Variants in BIRC5 observed in about 807,000 individuals in gnomAD.
BIRC5 encodes baculoviral IAP repeat containing 5.
A neutral mutation model predicts 15.8 loss-of-function variants in BIRC5; 8 were observed. That is an observed-to-expected ratio of 0.51 (90% CI 0.30 to 0.91). BIRC5 has a LOEUF of 0.91. BIRC5 is among the 40% of genes least tolerant of loss of function. The pLI is 0.07. For synonymous variants in BIRC5, 56 were observed against 64.5 expected (o/e 0.87, Z 0.63); for missense variants, 163 against 178.6 (o/e 0.91, Z 0.50).
At chr17:78,216,860 CTG>C (rs1033089845) in intron 3 of BIRC5, 79 bp downstream of exon 3, 36 of 1,027,404 alleles carry the variant, frequency 3.5e-5, no homozygotes, top group Non-Finnish European at 5.2e-5. Flanking sequence ...CAAAGGGACT[CTG>C]TGTTTTCCTC....
chr17:78,217,813 G>A (rs529115868), intron 3 of BIRC5, among the ~76,000 whole-genome samples: 2 of 151,662 alleles, frequency 1.3e-5, no homozygotes, highest in African/African-American at 4.8e-5. Flanking sequence ...ATTTTTTTGA[G>A]ACAGGGACTC....
At chr17:78,216,880 ATT>A (rs376637371) in intron 3 of BIRC5, 99 bp downstream of exon 3, 3,116 of 678,206 alleles carry the variant, frequency 4.6e-3, no homozygotes, top group East Asian at 5.2e-3. Context: ...CTCAGGAAGC[ATT>A]TTTTTTTTTT....
intron 3 of BIRC5, 98 bp downstream of exon 3, chr17:78,216,879 CATT>C (rs2076482195): frequency 7.7e-6 from 7 of 907,452 alleles, no homozygotes; most frequent in Admixed American, 2.4e-5. Flanking sequence ...CCTCAGGAAG[CATT>C]TTTTTTTTTT....
intron 3 of BIRC5, among the ~76,000 whole-genome samples, chr17:78,220,077 G>A (rs1010790402): frequency 6.6e-6 from 1 of 151,176 alleles, no homozygotes; most frequent in Non-Finnish European, 1.5e-5. Context: ...TTACAGGGAT[G>A]AAGATGCAGT....
intron 3 of BIRC5, among the ~76,000 whole-genome samples, chr17:78,222,590 G>C (rs984489178): frequency 1.3e-5 from 2 of 152,144 alleles, no homozygotes; most frequent in Admixed American, 1.3e-4. Flanking sequence ...TCTTGAACCC[G>C]GGAGGCAGAG....
At position 78,214,257 on chromosome 17, in the gene BIRC5, C is replaced by G; in HGVS notation, c.-60C>G. 1 of 1,468,034 alleles carries G rather than the reference C, an allele frequency of 6.8e-7. No individual in the cohort carries two copies. 90.9% of individuals were successfully genotyped at this position (1,468,034 alleles called of 1,614,324 possible). On this transcript the variant is annotated 5_prime_UTR_variant, in exon 1 of 4. Transcript: ENST00000350051. Reference sequence around the variant, plus strand: ...CGTGCGCTCCCGACATGCCCCGCGGCGCGCCATTAACCGCCAGATTTGAAT... The same window carrying G: ...CGTGCGCTCCCGACATGCCCCGCGGGGCGCCATTAACCGCCAGATTTGAAT...
intron 3 of BIRC5, 76 bp downstream of exon 3, chr17:78,216,857 A>C (rs2145894700): frequency 1.8e-6 from 2 of 1,113,108 alleles, no homozygotes; most frequent in Non-Finnish European, 2.6e-6. Flanking sequence ...CCTCAAAGGG[A>C]CTCTGTGTTT....
intron 3 of BIRC5, among the ~76,000 whole-genome samples, chr17:78,218,875 G>A (rs2076498288): frequency 6.6e-6 from 1 of 152,126 alleles, no homozygotes; most frequent in Non-Finnish European, 1.5e-5. Context: ...CCAAAGCGCT[G>A]AGATTACAGG....
intron 2 of BIRC5, among the ~76,000 whole-genome samples, chr17:78,215,755 T>A (rs2076473183): frequency 6.6e-6 from 1 of 152,144 alleles, no homozygotes; most frequent in Non-Finnish European, 1.5e-5. Context: ...TTCTTGAAAA[T>A]GAATAAGTGT....
intron 3 of BIRC5, among the ~76,000 whole-genome samples, chr17:78,220,051 G>A (rs201823278): frequency 6.6e-6 from 1 of 152,136 alleles, no homozygotes; most frequent in Non-Finnish European, 1.5e-5. Flanking sequence ...ACGCTGCGGG[G>A]TGCTCCGCTC....
chr17:78,216,608 G>A lies in BIRC5; in HGVS notation c.222-56G>A, dbSNP rs562067457. 5.9e-6 allele frequency: 9 copies of A among 1,515,256 alleles called. No homozygotes were observed. The African/African-American group carries it at 1.1e-4, about 18-fold the overall frequency. The allele number at this position is 1,515,256 out of a possible 1,614,324, so 93.9% of individuals were successfully genotyped here. ...CGTGGGGAGGTGGCCCGTGGGGAGT[G>A]GACTGCCGCTTTAATCCCTTCAGCT... On this transcript the variant is annotated intron_variant, in intron 2 of 3. Transcript: ENST00000350051.
chr17:78,214,982 C>T, intron 2 of BIRC5, 193 bp downstream of exon 2: 1 of 560,112 alleles, frequency 1.8e-6, no homozygotes, highest in East Asian at 3.2e-5. Flanking sequence ...TCTCATTTGA[C>T]CAAAATGCCT....
chr17:78,223,418 C>G, intron 3 of BIRC5, 47 bp from the exon 4 acceptor site: 1 of 1,497,972 alleles, frequency 6.7e-7, no homozygotes, highest in South Asian at 1.4e-5. Flanking sequence ...CAGGATGTGA[C>G]TGGGAAGCTC....
At chr17:78,217,686 A>G (rs2076489031) in intron 3 of BIRC5, among the ~76,000 whole-genome samples, 4 of 148,108 alleles carry the variant, frequency 2.7e-5, no homozygotes, top group Admixed American at 1.4e-4. Context: ...TTTAGTAGAG[A>G]CGGGTTTTCA....
At position 78,216,660 on chromosome 17, in the gene BIRC5, C is replaced by T; in HGVS notation, c.222-4C>T. The T allele has an allele frequency of 6.2e-7, 1 of 1,612,682 alleles. No individual in the cohort carries two copies. Among genetic ancestry groups the T allele is most frequent in the Non-Finnish European group, 8.5e-7 (1 of 1,179,166 alleles). ...CCTTTCCGCTGTTGTTTTGATTTTT[C>T]TAGAGAGGAACATAAAAAGCATTCG... On this transcript the variant is annotated splice_region_variant and splice_polypyrimidine_tract_variant and intron_variant, in intron 2 of 3. Transcript: ENST00000350051.
rs1435981647 is a variant in BIRC5 at position 78,225,007 on chromosome 17, T to C, written c.*1453T>C. 2 of 152,208 alleles carry C rather than the reference T, an allele frequency of 1.3e-5. No homozygotes were observed. The highest frequency in any genetic ancestry group is 4.8e-5 in the African/African-American group (2 of 41,450). 9.4% of individuals were successfully genotyped at this position (152,208 alleles called of 1,614,324 possible). On this transcript the variant is annotated 3_prime_UTR_variant, in exon 4 of 4. Coordinates refer to ENST00000350051, the MANE Select transcript of BIRC5 (RefSeq NM_001168.3). ...CACAGTGGTTTTTGTTAGCAGAAAA[T>C]GCACTCCAGCCTCTGTACTCATCTA...
chr17:78,216,526 T>A (rs188269976), intron 2 of BIRC5, 138 bp from the exon 3 acceptor site: 1 of 697,948 alleles, frequency 1.4e-6, no homozygotes, highest in Non-Finnish European at 2.5e-6. Context: ...ACTGATGCCA[T>A]CAACTTCAGA....
chr17:78,218,266 C>CTTTATTTATTTA (rs144831740), intron 3 of BIRC5, among the ~76,000 whole-genome samples: 1 of 150,352 alleles, frequency 6.7e-6, no homozygotes, highest in African/African-American at 2.4e-5. Flanking sequence ...TGTAACTGGG[C>CTTTATTTATTTA]TTTATTTATT....
intron 1 of BIRC5, 116 bp from the exon 2 acceptor site, chr17:78,214,563 GC>G: frequency 7.9e-7 from 1 of 1,266,288 alleles, no homozygotes; most frequent in Non-Finnish European, 1.1e-6. Flanking sequence ...CTGTGGCTGG[GC>G]CCCTTGGGTC....
Sources: allele counts gnomAD v4.1 joint callset (sites outside exome capture counted in the v4.1 genomes callset), GRCh38; gene constraint gnomAD v4.1.1; transcripts MANE v1.5; gene names NCBI Gene and HGNC (gene_info 2026-07-23, HGNC 2026-07-21).